The following TNFAIP8L3 variants were observed in gnomAD, a reference collection of about 807,000 sequenced individuals.
The protein encoded by TNFAIP8L3 is tumor necrosis factor alpha-induced protein 8-like protein 3.
In TNFAIP8L3, 7 loss-of-function variants were observed where a neutral mutation model predicts 11.8. The ratio of observed to expected loss-of-function variants is 0.59; its 90% CI spans 0.34 to 1.11. The LOEUF is 1.11. Among genes scored for constraint, TNFAIP8L3 ranks in the 50% most tolerant of loss-of-function variants. The probability of loss-of-function intolerance (pLI) is 0.03; values close to 1 mark genes in which losing one functional copy is unlikely to be tolerated. For missense variants in TNFAIP8L3, 219 were observed against 258.6 expected (o/e 0.85, Z 1.05); for synonymous variants, 98 against 103.8 (o/e 0.94, Z 0.34).
chr15:51,061,494 T>C lies in TNFAIP8L3; in HGVS notation c.53-3051A>G, dbSNP rs182428344. On this transcript the variant is annotated intron_variant, in intron 1 of 1. Transcript: ENST00000637513. ...ATGTAACGTAAGTACCGTTGTTATA[T>C]AATACCCATTATTGTACACTTTAAA... Among the ~76,000 whole-genome samples the C allele has an allele frequency of 2.0e-5, 3 of 152,376 alleles. No individual in the cohort carries two copies. In the East Asian group the frequency reaches 5.8e-4, roughly 29 times the overall value.
intron 1 of TNFAIP8L3, among the ~76,000 whole-genome samples, chr15:51,088,188 G>A (rs969279378): frequency 6.6e-6 from 1 of 151,800 alleles, no homozygotes; most frequent in Non-Finnish European, 1.5e-5. Flanking sequence ...GGGAGCCAAG[G>A]GTAATGCTGA....
At chr15:51,061,600 A>G (rs1356520028) in intron 1 of TNFAIP8L3, among the ~76,000 whole-genome samples, 1 of 152,148 alleles carries the variant, frequency 6.6e-6, no homozygotes, top group Non-Finnish European at 1.5e-5. Flanking sequence ...ATTCTACTTC[A>G]CCCACAGCAC....
chr15:51,088,777 G>A (rs577341430), intron 1 of TNFAIP8L3, among the ~76,000 whole-genome samples: 1 of 152,356 alleles, frequency 6.6e-6, no homozygotes, highest in East Asian at 1.9e-4. Context: ...GAGGCCACCT[G>A]TGGTGACCAC....
chr15:51,066,223 C>T (rs1595607079), intron 1 of TNFAIP8L3, among the ~76,000 whole-genome samples: 1 of 149,630 alleles, frequency 6.7e-6, no homozygotes, highest in Non-Finnish European at 1.5e-5. Flanking sequence ...AGGGCAGTGG[C>T]ACAGTCTCAG....
intron 1 of TNFAIP8L3, among the ~76,000 whole-genome samples, chr15:51,092,842 C>T (rs918592833): frequency 6.6e-6 from 1 of 152,164 alleles, no homozygotes; most frequent in African/African-American, 2.4e-5. Context: ...CTCCTCCCTG[C>T]CCCCGGCTTC....
intron 1 of TNFAIP8L3, among the ~76,000 whole-genome samples, chr15:51,080,366 G>A (rs1271913467): frequency 6.6e-6 from 1 of 151,878 alleles, no homozygotes; most frequent in Non-Finnish European, 1.5e-5. Context: ...AGAATAGAAA[G>A]TTCTTCTCAA....
upstream of TNFAIP8L3, among the ~76,000 whole-genome samples, chr15:51,095,859 G>T (rs2065510563): frequency 6.6e-6 from 1 of 152,050 alleles, no homozygotes; most frequent in South Asian, 2.1e-4. Context: ...GCAAATTATT[G>T]GCCAGAGCAA....
intron 1 of TNFAIP8L3, among the ~76,000 whole-genome samples, chr15:51,089,633 A>G (rs2065453048): frequency 6.6e-6 from 1 of 152,160 alleles, no homozygotes; most frequent in Non-Finnish European, 1.5e-5. Context: ...ACAAAACAAA[A>G]CACTGAGGGA....
chr15:51,097,428 T>G (rs2065521343), upstream of TNFAIP8L3, among the ~76,000 whole-genome samples: 1 of 152,332 alleles, frequency 6.6e-6, no homozygotes, highest in Non-Finnish European at 1.5e-5. Context: ...AAAGAACTGG[T>G]CAAGGTATCC....
At position 51,057,793 on chromosome 15, in the gene TNFAIP8L3, G is replaced by A. The variant is rs376647506; in HGVS notation, c.*88C>T. Reference sequence around the variant, plus strand: ...AAAGAACATGGACATCTTTGACAAGGGTTTCTGCTTATGTTCTTGATTCTC... The same window carrying A: ...AAAGAACATGGACATCTTTGACAAGAGTTTCTGCTTATGTTCTTGATTCTC... On this transcript the variant is annotated 3_prime_UTR_variant, in exon 2 of 2. Coordinates refer to ENST00000637513, the MANE Select transcript of TNFAIP8L3 (RefSeq NM_001311175.2). 49 of 1,145,132 alleles carry A rather than the reference G, an allele frequency of 4.3e-5. No individual in the cohort carries two copies. The African/African-American group carries it at 6.0e-4, about 14-fold the overall frequency. 70.9% of individuals were successfully genotyped at this position (1,145,132 alleles called of 1,614,324 possible). A position where few individuals can be genotyped will look rare whatever the true frequency, so the allele number is the denominator to read the frequency against.
upstream of TNFAIP8L3, among the ~76,000 whole-genome samples, chr15:51,098,119 G>A (rs370563398): frequency 1.6e-4 from 24 of 152,206 alleles, no homozygotes; most frequent in African/African-American, 5.1e-4. Flanking sequence ...TGGGTAAAGC[G>A]TATCTATTTG....
rs772281447 is a variant in TNFAIP8L3, at chr15:51,058,421, C to T, written c.75G>A (p.Lys25=). ...TCTTCTGGGCTTGAAGCGCAAGACT[C>T]TTTGAACTAAAAACATCAGGACCTA... is the stretch of plus-strand genomic sequence containing the variant. The part of the protein sequence containing the change: ...TAAGPDVFSS[K]SLALQAQKKI... Residue 25 remains lysine, a synonymous_variant, in exon 2 of 2, where the codon AAG becomes AAA. Transcript: ENST00000637513. The T allele has an allele frequency of 1.9e-6, 3 of 1,590,916 alleles. No homozygotes were observed. In the Admixed American group the frequency reaches 5.4e-5, roughly 28 times the overall value.
chr15:51,068,672 T>G lies in TNFAIP8L3; in HGVS notation c.53-10229A>C, dbSNP rs1346383133. On this transcript the variant is annotated intron_variant, in intron 1 of 1. Coordinates refer to ENST00000637513, the MANE Select transcript of TNFAIP8L3 (RefSeq NM_001311175.2). ...AACCACCCCTCCTGTTTTTTTTTTT[T>G]TTTTTTTTTTGCAAGACAGAGTCTT... Among the ~76,000 whole-genome samples the G allele has an allele frequency of 2.8e-4, 41 of 148,220 alleles. 1 individual carries two copies. The East Asian group carries it at 7.5e-3, about 27-fold the overall frequency.
intron 1 of TNFAIP8L3, among the ~76,000 whole-genome samples, chr15:51,066,856 T>C (rs973228105): frequency 4.6e-5 from 7 of 152,196 alleles, no homozygotes; most frequent in African/African-American, 7.2e-5. Flanking sequence ...GAGAGACTCA[T>C]TGAGTTGTTG....
chr15:51,102,528 G>A (rs2065561677), intron 1 of TNFAIP8L3, among the ~76,000 whole-genome samples: 1 of 152,226 alleles, frequency 6.6e-6, no homozygotes, highest in East Asian at 1.9e-4. Flanking sequence ...TTCCATTTAT[G>A]TAAGTCTCTG....
At position 51,058,250 on chromosome 15, in the gene TNFAIP8L3, G is replaced by A; in HGVS notation, c.246C>T (p.Ile82=). Residue 82 remains isoleucine, a synonymous_variant, in exon 2 of 2, where the codon ATC becomes ATT. Transcript: ENST00000637513. ...KEAHKIMKDL[I]KVAIKIGILY... is the part of the protein sequence containing the mutation. ...GGATCCCGATTTTGATCGCCACCTT[G>A]ATTAAGTCTTTCATGATCTTGTGGG... 2 of 1,614,186 alleles carry A rather than the reference G, an allele frequency of 1.2e-6. No individual in the cohort carries two copies. Among genetic ancestry groups the A allele is most frequent in the Admixed American group, 1.7e-5 (1 of 60,020 alleles).
At position 51,057,855 on chromosome 15, in the gene TNFAIP8L3, G is replaced by GTTAA. The variant is rs1304683250; in HGVS notation, c.*25_*26insTTAA. On this transcript the variant is annotated 3_prime_UTR_variant, in exon 2 of 2. Coordinates refer to ENST00000637513, the MANE Select transcript of TNFAIP8L3 (RefSeq NM_001311175.2). ...GGTTGAGTGCTGTAACTTTAAAGCA[G>GTTAA]CAAAGTCCAGTAGGAGGGAAGGCAT... The GTTAA allele has an allele frequency of 1.4e-5, 22 of 1,530,244 alleles. No homozygotes were observed. Among genetic ancestry groups the GTTAA allele is most frequent in the Non-Finnish European group, 1.9e-5 (22 of 1,137,824 alleles). The allele number at this position is 1,530,244 out of a possible 1,614,324, so 94.8% of individuals were successfully genotyped here. A position where few individuals can be genotyped will look rare whatever the true frequency, so the allele number is the denominator to read the frequency against.
At chr15:51,098,574 A>G (rs1032809517), upstream of TNFAIP8L3, among the ~76,000 whole-genome samples, 4 of 152,162 alleles carry the variant, frequency 2.6e-5, no homozygotes, top group African/African-American at 4.8e-5. Context: ...GAGCTTTCCT[A>G]TTTCTTTCTT....
chr15:51,090,996 A>G (rs545813774), intron 1 of TNFAIP8L3, among the ~76,000 whole-genome samples: 5 of 152,300 alleles, frequency 3.3e-5, no homozygotes, highest in South Asian at 2.1e-4. Flanking sequence ...ACCACTCCCA[A>G]GTGAATACAC....
Sources: gnomAD v4.1 joint callset for allele counts (sites outside exome capture counted in the v4.1 genomes callset) on GRCh38, gnomAD v4.1.1 for gene constraint, MANE v1.5 for transcripts, NCBI Gene and HGNC (gene_info 2026-07-23, HGNC 2026-07-21) for gene names.